The following RUNDC3B variants were observed in gnomAD, a reference collection of about 807,000 sequenced individuals.
The protein encoded by RUNDC3B is RUN domain containing 3B.
In RUNDC3B, 33 loss-of-function variants were observed where a neutral mutation model predicts 58.4. The ratio of observed to expected loss-of-function variants is 0.56; its 90% CI spans 0.43 to 0.75. The LOEUF (loss-of-function observed/expected upper bound fraction) is 0.75. Ranked by LOEUF, RUNDC3B falls within the 30% of genes least tolerant of loss-of-function variation. RUNDC3B has a pLI of 0.00. For missense variants in RUNDC3B, 501 were observed against 535.7 expected (o/e 0.94, Z 0.64); for synonymous variants, 193 against 195.2 (o/e 0.99, Z 0.10).
rs1215921488 is a variant in RUNDC3B, at chr7:87,702,165, A to AC, written c.372+1611_372+1612insC. 1.4e-3 allele frequency among the ~76,000 whole-genome samples: 207 copies of AC among 149,908 alleles called. 2 individuals are homozygous for AC. The highest frequency in any genetic ancestry group is 4.9e-3 in the African/African-American group (200 of 40,698). On this transcript the variant is annotated intron_variant, in intron 3 of 10. Transcript: ENST00000394654. ...CTCAAAAAAAAAAAAAAAAAAAAAA[A>AC]AAAAAAACAGAGATACTTTTCTCAC...
intron 3 of RUNDC3B, among the ~76,000 whole-genome samples, chr7:87,703,915 T>TTTTTTTG (rs1829350720): frequency 3.2e-4 from 6 of 18,528 alleles, no homozygotes; most frequent in East Asian, 3.0e-3. Context: ...TTTTTTTTGG[T>TTTTTTTG]TTTTTTTTTT....
Position 87,710,518 on chromosome 7 carries a change from C to G in RUNDC3B, c.373-52C>G, listed in dbSNP as rs1829983031. ...TAAAATATTTTTGATGGCACAGTGGCAAAATATTTTTTTAATTTTTTTTAT... is the reference window on the plus strand; with the variant it reads ...TAAAATATTTTTGATGGCACAGTGGGAAAATATTTTTTTAATTTTTTTTAT... On this transcript the variant is annotated intron_variant, in intron 3 of 10. Coordinates refer to ENST00000394654, the MANE Select transcript of RUNDC3B (RefSeq NM_001134405.2). 2.7e-6 allele frequency: 3 copies of G among 1,106,844 alleles called. No homozygotes were observed. The South Asian group carries it at 4.4e-5, about 16-fold the overall frequency. 68.6% of individuals were successfully genotyped at this position (1,106,844 alleles called of 1,614,324 possible).
At chr7:87,631,864 A>T (rs934833909) in intron 1 of RUNDC3B, among the ~76,000 whole-genome samples, 3 of 152,202 alleles carry the variant, frequency 2.0e-5, no homozygotes, top group African/African-American at 7.2e-5. Context: ...GTAAAATAAT[A>T]TTGGACTAGA....
chr7:87,731,176 A>G (rs900342030), intron 4 of RUNDC3B, among the ~76,000 whole-genome samples: 10 of 152,202 alleles, frequency 6.6e-5, no homozygotes, highest in Non-Finnish European at 1.3e-4. Context: ...AAGAAAAAAA[A>G]ACAATGGACA....
At chr7:87,668,980 G>A (rs1825553727) in intron 2 of RUNDC3B, among the ~76,000 whole-genome samples, 1 of 152,094 alleles carries the variant, frequency 6.6e-6, no homozygotes, top group Non-Finnish European at 1.5e-5. Flanking sequence ...TTCTATAGAG[G>A]TGTATCCGAG....
chr7:87,628,744 C>G lies in RUNDC3B; in HGVS notation c.-80C>G. The G allele has an allele frequency of 7.8e-6, 7 of 900,240 alleles. No individual in the cohort carries two copies. Among genetic ancestry groups the G allele is most frequent in the Non-Finnish European group, 8.9e-6 (6 of 674,800 alleles). 55.8% of individuals were successfully genotyped at this position (900,240 alleles called of 1,614,324 possible). A position where few individuals can be genotyped will look rare whatever the true frequency, so the allele number is the denominator to read the frequency against. On this transcript the variant is annotated 5_prime_UTR_variant, in exon 1 of 11. Coordinates refer to ENST00000394654, the MANE Select transcript of RUNDC3B (RefSeq NM_001134405.2). The stretch of plus-strand genomic sequence containing the variant: ...CTTCCCGCGCCCCCACGGTTGCGGA[C>G]CGAGCGAGAACCCCCTTAAGCAGGT...
chr7:87,732,687 T>TA (rs1320753583), intron 4 of RUNDC3B, among the ~76,000 whole-genome samples: 1 of 152,182 alleles, frequency 6.6e-6, no homozygotes, highest in Non-Finnish European at 1.5e-5. Flanking sequence ...ATGCACTAGA[T>TA]ATACCAGCAT....
intron 3 of RUNDC3B, among the ~76,000 whole-genome samples, chr7:87,704,840 CAGTA>C (rs1829447432): frequency 6.6e-6 from 1 of 152,194 alleles, no homozygotes. Context: ...TTAATCTACT[CAGTA>C]AGTCACATCT....
At chr7:87,724,340 G>A (rs1489642475) in intron 4 of RUNDC3B, among the ~76,000 whole-genome samples, 5 of 152,028 alleles carry the variant, frequency 3.3e-5, no homozygotes, top group African/African-American at 9.7e-5. Flanking sequence ...GGATAGTTGT[G>A]TATTTTATAG....
At chr7:87,712,376 A>T (rs1187656903) in intron 4 of RUNDC3B, among the ~76,000 whole-genome samples, 1 of 152,082 alleles carries the variant, frequency 6.6e-6, no homozygotes, top group Non-Finnish European at 1.5e-5. Flanking sequence ...AGCATTGAGG[A>T]TACTAAGGCT....
intron 2 of RUNDC3B, among the ~76,000 whole-genome samples, chr7:87,683,133 C>G (rs921184251): frequency 6.6e-6 from 1 of 152,078 alleles, no homozygotes; most frequent in African/African-American, 2.4e-5. Flanking sequence ...TCAAACTTTT[C>G]TTCTGCGGCG....
intron 8 of RUNDC3B, among the ~76,000 whole-genome samples, chr7:87,800,860 G>C (rs977417141): frequency 3.3e-5 from 5 of 151,954 alleles, no homozygotes; most frequent in African/African-American, 7.3e-5. Flanking sequence ...TGTTGTCCAG[G>C]CTGGTCTTGA....
chr7:87,799,222 A>G (rs1050981598), intron 8 of RUNDC3B, among the ~76,000 whole-genome samples: 1 of 152,232 alleles, frequency 6.6e-6, no homozygotes, highest in Admixed American at 6.5e-5. Flanking sequence ...TCAAGAATGA[A>G]TTAAACATAT....
At chr7:87,693,698 A>G (rs1030989969) in intron 2 of RUNDC3B, among the ~76,000 whole-genome samples, 7 of 152,208 alleles carry the variant, frequency 4.6e-5, no homozygotes, top group Admixed American at 1.3e-4. Context: ...TCTCCAATAC[A>G]ATAAGCTACA....
intron 4 of RUNDC3B, among the ~76,000 whole-genome samples, chr7:87,720,632 C>T (rs1052154299): frequency 1.3e-5 from 2 of 150,316 alleles, no homozygotes; most frequent in Non-Finnish European, 3.0e-5. Context: ...GACAGAGTCT[C>T]ACTCTGTCAC....
chr7:87,740,907 GT>G, intron 5 of RUNDC3B, among the ~76,000 whole-genome samples: 1 of 151,886 alleles, frequency 6.6e-6, no homozygotes, highest in African/African-American at 2.4e-5. Flanking sequence ...TTGTTTTATT[GT>G]TTTAAAAAAA....
At chr7:87,745,729 T>C (rs1584081039) in intron 6 of RUNDC3B, among the ~76,000 whole-genome samples, 1 of 152,154 alleles carries the variant, frequency 6.6e-6, no homozygotes, top group Non-Finnish European at 1.5e-5. Flanking sequence ...GGTCTATCAA[T>C]TTTATTTATC....
intron 2 of RUNDC3B, among the ~76,000 whole-genome samples, chr7:87,674,737 G>A (rs920885517): frequency 1.3e-5 from 2 of 152,226 alleles, no homozygotes; most frequent in African/African-American, 4.8e-5. Flanking sequence ...CCCTGGTTGG[G>A]CATCTGAGGC....
At chr7:87,667,862 T>C (rs1390955141) in intron 2 of RUNDC3B, among the ~76,000 whole-genome samples, 1 of 152,196 alleles carries the variant, frequency 6.6e-6, no homozygotes, top group Non-Finnish European at 1.5e-5. Context: ...ATTAGCTTTT[T>C]GATGTGCTGC....
Sources: allele counts gnomAD v4.1 joint callset (sites outside exome capture counted in the v4.1 genomes callset), GRCh38; gene constraint gnomAD v4.1.1; transcripts MANE v1.5; gene names NCBI Gene and HGNC (gene_info 2026-07-23, HGNC 2026-07-21).